Variants in PPFIBP1 observed in about 807,000 individuals in gnomAD.
The protein encoded by PPFIBP1 is liprin-beta-1.
PPFIBP1 carries 112 observed loss-of-function variants against 137.8 expected under a neutral mutation model. The observed-to-expected ratio is 0.81, with a 90% confidence interval of 0.70 to 0.95. The LOEUF (loss-of-function observed/expected upper bound fraction) is 0.95, where lower values mean the gene tolerates loss of function less well. Ranked by LOEUF, PPFIBP1 falls within the 40% of genes least tolerant of loss-of-function variation. The pLI, the probability that PPFIBP1 is intolerant of heterozygous loss-of-function variation, is 0.00. For missense variants in PPFIBP1, 1,083 were observed against 1,196.6 expected (o/e 0.91, Z 1.40); for synonymous variants, 378 against 417.3 (o/e 0.91, Z 1.15).
chr12:27,545,363 T>A (rs1019687807), intron 1 of PPFIBP1, among the ~76,000 whole-genome samples: 1 of 152,096 alleles, frequency 6.6e-6, no homozygotes, highest in African/African-American at 2.4e-5. Context: ...TGCACGTGTA[T>A]CCCAGAACTT....
chr12:27,681,051 A>G (rs557957574), intron 21 of PPFIBP1, among the ~76,000 whole-genome samples: 68 of 152,226 alleles, frequency 4.5e-4, no homozygotes, highest in African/African-American at 1.6e-3. Flanking sequence ...CAAGAACACT[A>G]TTTGTGTATC....
At chr12:27,611,028 C>T (rs144267628) in intron 2 of PPFIBP1, among the ~76,000 whole-genome samples, 1 of 152,224 alleles carries the variant, frequency 6.6e-6, no homozygotes, top group Non-Finnish European at 1.5e-5. Flanking sequence ...AGGTCATTGC[C>T]AGATCTCTCA....
intron 2 of PPFIBP1, among the ~76,000 whole-genome samples, chr12:27,622,324 A>G (rs569949752): frequency 6.6e-6 from 1 of 152,360 alleles, no homozygotes; most frequent in Admixed American, 6.5e-5. Flanking sequence ...TTGTTTTTCC[A>G]TCATGAATTG....
At chr12:27,670,302 ATATTAT>A (rs1280116516) in intron 13 of PPFIBP1, among the ~76,000 whole-genome samples, 1 of 152,200 alleles carries the variant, frequency 6.6e-6, no homozygotes, top group Non-Finnish European at 1.5e-5. Flanking sequence ...TGTTGCTGTA[ATATTAT>A]TATTATCATT....
chr12:27,689,760 C>G (rs1566024884), intron 27 of PPFIBP1, among the ~76,000 whole-genome samples: 1 of 152,096 alleles, frequency 6.6e-6, no homozygotes, highest in Non-Finnish European at 1.5e-5. Context: ...ATGCGTGGGC[C>G]GGGTGTTGGC....
chr12:27,593,546 C>T (rs915473958), intron 2 of PPFIBP1: 31 of 371,984 alleles, frequency 8.3e-5, no homozygotes, highest in African/African-American at 3.6e-4. Flanking sequence ...GGGGAGCTGC[C>T]GTACAGCTGG....
At position 27,688,296 on chromosome 12, in the gene PPFIBP1, A is replaced by G; in HGVS notation, c.2371-2A>G. ...TAGGATCCTGGTTGTGTGTTCCCATAGAATACCATCGCCCCATCAGAAGTT... is the reference window on the plus strand; with the variant it reads ...TAGGATCCTGGTTGTGTGTTCCCATGGAATACCATCGCCCCATCAGAAGTT... On this transcript the variant is annotated splice_acceptor_variant, in intron 25 of 29. Coordinates refer to ENST00000228425, the MANE Select transcript of PPFIBP1 (RefSeq NM_003622.4). LOFTEE classifies it high-confidence loss of function. 2.5e-6 allele frequency: 4 copies of G among 1,613,422 alleles called. No homozygotes were observed. Among genetic ancestry groups the G allele is most frequent in the Non-Finnish European group, 2.5e-6 (3 of 1,179,786 alleles).
Position 27,574,300 on chromosome 12 carries a change from C to T in PPFIBP1, c.-123-3852C>T, listed in dbSNP as rs138949623. Among the ~76,000 whole-genome samples, 57 of 152,208 alleles carry T rather than the reference C, an allele frequency of 3.7e-4. No homozygotes were observed. The East Asian group carries it at 7.9e-3, about 21-fold the overall frequency. Reference sequence around the variant, plus strand: ...GTAAAGTCTGTTGATGCTTACTCAACGTTTTCTCAGATGGAAACTTGGTGG... The same window carrying T: ...GTAAAGTCTGTTGATGCTTACTCAATGTTTTCTCAGATGGAAACTTGGTGG... On this transcript the variant is annotated intron_variant, in intron 1 of 29. Coordinates refer to ENST00000228425, the MANE Select transcript of PPFIBP1 (RefSeq NM_003622.4).
chr12:27,593,158 T>C (rs1334694479), intron 2 of PPFIBP1, among the ~76,000 whole-genome samples: 2 of 136,772 alleles, frequency 1.5e-5, no homozygotes, highest in Non-Finnish European at 3.2e-5. Context: ...AAAGCCCAAG[T>C]GTCAATGCAA....
intron 2 of PPFIBP1, among the ~76,000 whole-genome samples, chr12:27,625,751 T>G (rs553363378): frequency 2.0e-5 from 3 of 151,860 alleles, no homozygotes; most frequent in Non-Finnish European, 4.4e-5. Flanking sequence ...GCCCAGCTAA[T>G]TTTTGTATTT....
At chr12:27,651,481 T>C (rs1382269682) in intron 7 of PPFIBP1, among the ~76,000 whole-genome samples, 1 of 152,214 alleles carries the variant, frequency 6.6e-6, no homozygotes, top group Non-Finnish European at 1.5e-5. Flanking sequence ...CTGGGGCTCT[T>C]AAAACAGGAC....
At chr12:27,678,880 A>AAAAAAAAAAAAAAAAC (rs1566000445) in intron 19 of PPFIBP1, among the ~76,000 whole-genome samples, 2 of 136,724 alleles carry the variant, frequency 1.5e-5, no homozygotes, top group South Asian at 2.5e-4. Flanking sequence ...AAAAAAAAAA[A>AAAAAAAAAAAAAAAAC]ACATTTAAGA....
At chr12:27,589,316 G>A (rs989265541) in intron 2 of PPFIBP1, among the ~76,000 whole-genome samples, 8 of 152,114 alleles carry the variant, frequency 5.3e-5, no homozygotes, top group Non-Finnish European at 1.2e-4. Flanking sequence ...CTTGTGGCCA[G>A]TTAGACTTGG....
At chr12:27,581,092 G>A (rs1468010959) in intron 2 of PPFIBP1, among the ~76,000 whole-genome samples, 1 of 151,972 alleles carries the variant, frequency 6.6e-6, no homozygotes, top group Non-Finnish European at 1.5e-5. Context: ...ACAGAGTCTT[G>A]TTTTATTGCC....
intron 2 of PPFIBP1, among the ~76,000 whole-genome samples, chr12:27,617,022 G>A (rs2055836507): frequency 6.6e-6 from 1 of 152,204 alleles, no homozygotes; most frequent in Non-Finnish European, 1.5e-5. Flanking sequence ...TCCTCTGGCT[G>A]TGCTTGGTAC....
At chr12:27,667,448 T>C (rs2059923836) in intron 13 of PPFIBP1, 128 bp downstream of exon 13, 1 of 816,676 alleles carries the variant, frequency 1.2e-6, no homozygotes, top group Non-Finnish European at 1.7e-6. Flanking sequence ...AGTGAGGTTA[T>C]ATAAATAAAT....
At chr12:27,657,661 C>T (rs115675970) in intron 9 of PPFIBP1, among the ~76,000 whole-genome samples, 3,180 of 152,024 alleles carry the variant, frequency 0.021, 109 homozygotes, top group African/African-American at 0.073. Flanking sequence ...ATTCCCTGTC[C>T]GTCAGAAAAT....
At chr12:27,525,241 T>C (rs1002290573) in intron 1 of PPFIBP1, among the ~76,000 whole-genome samples, 6 of 152,076 alleles carry the variant, frequency 3.9e-5, no homozygotes, top group African/African-American at 1.2e-4. Flanking sequence ...CGGAGAGCAA[T>C]AGAAAAAGAA....
chr12:27,627,729 C>T (rs538888627), intron 2 of PPFIBP1, among the ~76,000 whole-genome samples: 4 of 152,216 alleles, frequency 2.6e-5, no homozygotes, highest in African/African-American at 9.6e-5. Context: ...CCGGAACTTT[C>T]CTTGATATTT....
Sources: gnomAD v4.1 joint callset for allele counts (sites outside exome capture counted in the v4.1 genomes callset) on GRCh38, gnomAD v4.1.1 for gene constraint, MANE v1.5 for transcripts, NCBI Gene and HGNC (gene_info 2026-07-23, HGNC 2026-07-21) for gene names.